Variants in CPM observed in about 807,000 individuals in gnomAD.
CPM encodes carboxypeptidase M.
In CPM, 35 loss-of-function variants were observed where a neutral mutation model predicts 46.4. The ratio of observed to expected loss-of-function variants is 0.75; its 90% CI spans 0.58 to 1.00. CPM has a LOEUF of 1.00. Among genes scored for constraint, CPM ranks in the 50% least tolerant of loss-of-function variants. The pLI is 0.00. For missense variants in CPM, 422 were observed against 530.4 expected, an observed-to-expected ratio of 0.80 and a Z score of 2.01; for synonymous variants, 195 against 195.3, an observed-to-expected ratio of 1.00 and a Z score of 0.01.
chr12:68,927,604 A>G (rs1246067613), intron 2 of CPM, among the ~76,000 whole-genome samples: 1 of 152,014 alleles, frequency 6.6e-6, no homozygotes, highest in Non-Finnish European at 1.5e-5. Context: ...TTTTGTTGCC[A>G]TTGCTTTTGG....
intron 3 of CPM, among the ~76,000 whole-genome samples, chr12:68,884,109 G>A (rs1371231315): frequency 9.1e-5 from 3 of 33,120 alleles, no homozygotes; most frequent in Admixed American, 4.4e-4. Context: ...AAATTCCATC[G>A]GAAAAAAAAA....
At position 68,902,117 on chromosome 12, in the gene CPM, C is replaced by T. The variant is rs562677307; in HGVS notation, c.161-16228G>A. 5.3e-5 allele frequency among the ~76,000 whole-genome samples: 8 copies of T among 152,164 alleles called. No homozygotes were observed. The South Asian group carries it at 1.7e-3, about 32-fold the overall frequency. ...ACATGACAATCACTCAACCTCTTTCCAAGGAGAGGTAAATATGAGCTTTGT... is the reference window on the plus strand; with the variant it reads ...ACATGACAATCACTCAACCTCTTTCTAAGGAGAGGTAAATATGAGCTTTGT... On this transcript the variant is annotated intron_variant, in intron 2 of 8. Coordinates refer to ENST00000551568, the MANE Select transcript of CPM (RefSeq NM_198320.5).
intron 2 of CPM, among the ~76,000 whole-genome samples, chr12:68,922,077 T>C (rs1253247036): frequency 6.6e-6 from 1 of 152,204 alleles, no homozygotes; most frequent in Non-Finnish European, 1.5e-5. Flanking sequence ...ATAGAGTTAC[T>C]GGAAGATGCT....
At chr12:68,869,020 G>C (rs1223459423) in intron 6 of CPM, among the ~76,000 whole-genome samples, 1 of 152,160 alleles carries the variant, frequency 6.6e-6, no homozygotes, top group Non-Finnish European at 1.5e-5. Context: ...CTGCGTGTCT[G>C]TCTCCCCTAT....
chr12:68,934,424 C>T (rs1032067384), upstream of CPM, among the ~76,000 whole-genome samples: 1 of 152,098 alleles, frequency 6.6e-6, no homozygotes, highest in Non-Finnish European at 1.5e-5. Context: ...GATACTTTTC[C>T]TAGAATTGCG....
chr12:68,915,215 AT>A (rs1384228423), intron 2 of CPM, among the ~76,000 whole-genome samples: 16 of 152,026 alleles, frequency 1.1e-4, no homozygotes, highest in South Asian at 2.1e-4. Context: ...TGAACAATCT[AT>A]TTTTTTCTTT....
chr12:68,904,367 T>A (rs1370848677), intron 2 of CPM, among the ~76,000 whole-genome samples: 1 of 152,234 alleles, frequency 6.6e-6, no homozygotes, highest in African/African-American at 2.4e-5. Context: ...TCTGTGCCCA[T>A]CATTTGCAGT....
downstream of CPM, chr12:68,847,655 G>A (rs1260479878): frequency 6.6e-6 from 1 of 151,232 alleles, no homozygotes; most frequent in Non-Finnish European, 1.5e-5. Context: ...GGGTTTCACC[G>A]TGTTAGCCAA....
intron 1 of CPM, among the ~76,000 whole-genome samples, chr12:68,947,950 T>G (rs946120014): frequency 2.6e-5 from 4 of 152,182 alleles, no homozygotes; most frequent in Non-Finnish European, 5.9e-5. Context: ...ACAGCTCTAA[T>G]AGCTGTTCCC....
rs1884822587 is a variant in CPM, at chr12:68,853,578, C to T, written c.*2859G>A. The T allele has an allele frequency of 6.6e-6, 1 of 152,170 alleles. No homozygotes were observed. The highest frequency in any genetic ancestry group is 2.4e-5 in the African/African-American group (1 of 41,428). 9.4% of individuals were successfully genotyped at this position (152,170 alleles called of 1,614,324 possible). ...TCTTCATTCCTTTGTCGTTCTCACTCTCCATGCCAGTATGTCTCATTTCTA... is the reference window on the plus strand; with the variant it reads ...TCTTCATTCCTTTGTCGTTCTCACTTTCCATGCCAGTATGTCTCATTTCTA... On this transcript the variant is annotated 3_prime_UTR_variant, in exon 9 of 9. Coordinates refer to ENST00000551568, the MANE Select transcript of CPM (RefSeq NM_198320.5).
chr12:68,928,742 C>CTT (rs398020021), intron 2 of CPM, among the ~76,000 whole-genome samples: 24 of 142,228 alleles, frequency 1.7e-4, no homozygotes, highest in African/African-American at 3.4e-4. Context: ...AGACAAGATA[C>CTT]TTTTTTTTTT....
chr12:68,857,314 C>T (rs1328696304), intron 8 of CPM, among the ~76,000 whole-genome samples: 2 of 152,014 alleles, frequency 1.3e-5, no homozygotes, highest in African/African-American at 2.4e-5. Context: ...GTGCATACCA[C>T]CATGCCCAGG....
intron 2 of CPM, among the ~76,000 whole-genome samples, chr12:68,899,115 T>A (rs977542379): frequency 2.0e-5 from 3 of 152,176 alleles, no homozygotes; most frequent in African/African-American, 7.2e-5. Flanking sequence ...GATCTGCACA[T>A]CAGGTCAAAT....
At chr12:68,874,882 TAC>T (rs376383940) in intron 3 of CPM, among the ~76,000 whole-genome samples, 61 of 152,268 alleles carry the variant, frequency 4.0e-4, no homozygotes, top group African/African-American at 1.4e-3. Context: ...ATCTGAATCA[TAC>T]ACTCTCCAGC....
At chr12:68,870,133 G>T in intron 5 of CPM, 82 bp downstream of exon 5, 3 of 1,359,896 alleles carry the variant, frequency 2.2e-6, no homozygotes, top group South Asian at 1.4e-5. Flanking sequence ...GGGGAAGGGA[G>T]AGCTGATCCC....
chr12:68,898,417 G>C (rs1424169912), intron 2 of CPM, among the ~76,000 whole-genome samples: 1 of 152,104 alleles, frequency 6.6e-6, no homozygotes, highest in Non-Finnish European at 1.5e-5. Context: ...ACCCTAAAAA[G>C]CTCTCATTCT....
At chr12:68,914,525 C>G (rs1375128289) in intron 2 of CPM, among the ~76,000 whole-genome samples, 2 of 152,206 alleles carry the variant, frequency 1.3e-5, no homozygotes, top group Non-Finnish European at 2.9e-5. Flanking sequence ...CTGTTACACA[C>G]TACCTCAAAT....
intron 2 of CPM, among the ~76,000 whole-genome samples, chr12:68,903,074 A>G (rs1887180085): frequency 6.6e-6 from 1 of 152,236 alleles, no homozygotes; most frequent in South Asian, 2.1e-4. Flanking sequence ...GCTCTGAGAC[A>G]TTAACTGCCT....
At chr12:68,900,400 G>A (rs1887064882) in intron 2 of CPM, among the ~76,000 whole-genome samples, 1 of 152,176 alleles carries the variant, frequency 6.6e-6, no homozygotes, top group African/African-American at 2.4e-5. Context: ...TACTGGCGAG[G>A]ATGTGGAGCA....
Sources: allele counts gnomAD v4.1 joint callset (sites outside exome capture counted in the v4.1 genomes callset), GRCh38; gene constraint gnomAD v4.1.1; transcripts MANE v1.5; gene names NCBI Gene and HGNC (gene_info 2026-07-23, HGNC 2026-07-21).